HEATR5B: variants seen among roughly 807,000 people sequenced by gnomAD.
HEATR5B encodes the protein HEAT repeat containing 5B, also known as HEAT repeat-containing protein 5B.
HEATR5B carries 156 observed loss-of-function variants against 224.1 expected under a neutral mutation model. That is an observed-to-expected ratio of 0.70 (90% confidence interval 0.61 to 0.80). The LOEUF (loss-of-function observed/expected upper bound fraction) is 0.80, where lower values mean the gene tolerates loss of function less well. Ranked by LOEUF, HEATR5B falls within the 30% of genes least tolerant of loss-of-function variation. HEATR5B has a pLI of 0.00. For missense variants in HEATR5B, 2,323 were observed against 2,535.5 expected (o/e 0.92, Z 1.80); for synonymous variants, 1,027 against 893.0 (o/e 1.15, Z -2.68).
At chr2:36,992,827 C>T (rs1666424280) in intron 33 of HEATR5B, among the ~76,000 whole-genome samples, 1 of 151,956 alleles carries the variant, frequency 6.6e-6, no homozygotes, top group Non-Finnish European at 1.5e-5. Context: ...TGGGCTCAAG[C>T]AACCCTCCCA....
At chr2:37,021,968 C>T (rs1361753792) in intron 24 of HEATR5B, among the ~76,000 whole-genome samples, 2 of 151,638 alleles carry the variant, frequency 1.3e-5, no homozygotes, top group African/African-American at 2.4e-5. Flanking sequence ...GCTTACCCTT[C>T]GTTCCCTTTT....
chr2:37,016,213 T>C (rs1668108528), intron 26 of HEATR5B, among the ~76,000 whole-genome samples: 1 of 150,992 alleles, frequency 6.6e-6, no homozygotes, highest in South Asian at 2.1e-4. Flanking sequence ...CCCAGGTTCA[T>C]GCCATTCTCT....
chr2:36,983,865 A>G lies in HEATR5B; in HGVS notation c.5912-2071T>C, dbSNP rs569231771. ...GAGGTTTCAATAGTAGGTTTTCAAC[A>G]GTAGGTTGAAAATTAAGGTTTTGGT... On this transcript the variant is annotated intron_variant, in intron 35 of 35. Coordinates refer to ENST00000233099, the MANE Select transcript of HEATR5B (RefSeq NM_019024.3). Among the ~76,000 whole-genome samples, 15 of 152,158 alleles carry G rather than the reference A, an allele frequency of 9.9e-5. No individual in the cohort carries two copies. In the South Asian group the frequency reaches 2.7e-3, roughly 27 times the overall value.
intron 27 of HEATR5B, among the ~76,000 whole-genome samples, chr2:37,012,503 G>A (rs964587790): frequency 3.3e-5 from 5 of 151,964 alleles, no homozygotes; most frequent in Non-Finnish European, 7.4e-5. Flanking sequence ...TGATTCTCCT[G>A]CCTCAGCCTC....
At chr2:37,016,274 G>A (rs1668113349) in intron 26 of HEATR5B, among the ~76,000 whole-genome samples, 1 of 151,944 alleles carries the variant, frequency 6.6e-6, no homozygotes, top group Admixed American at 6.6e-5. Context: ...CACCAGGCCC[G>A]GCTAATTTTT....
In HEATR5B at chr2:37,020,675, G is replaced by A. The variant is rs1166288471; in HGVS notation, c.4015C>T (p.Leu1339=). The part of the protein sequence containing the change: ...PEPEFPGHVI[L]EQYQANVGAA... ...CTCACATTAGCCTGATACTGCTCCA[G>A]TATCACATGACCTGGAAATTCTGGC... is the stretch of plus-strand genomic sequence containing the variant. Residue 1339 remains leucine (L), a synonymous_variant, in exon 25 of 36, where the codon CTG becomes TTG. Coordinates refer to ENST00000233099, the MANE Select transcript of HEATR5B (RefSeq NM_019024.3). 4 of 1,582,068 alleles carry A rather than the reference G, an allele frequency of 2.5e-6. No homozygotes were observed. In the African/African-American group the frequency reaches 4.1e-5, roughly 16 times the overall value.
chr2:37,008,764 C>T lies in HEATR5B; in HGVS notation c.4369G>A (p.Asp1457Asn), dbSNP rs980079194. The stretch of plus-strand genomic sequence containing the variant: ...GGCAGTTCATCGATGGTACCACAGT[C>T]GTCATCATCATCGTCAGTATTTTTA... ...AIKNTDDDDD[D>N]CGTIDELPPD... Residue 1457 changes from aspartate to asparagine, a missense_variant, in exon 28 of 36, where the codon GAC (aspartate) becomes AAC (asparagine). By Grantham distance (23) the Asp-to-Asn change is conservative. Coordinates refer to ENST00000233099, the MANE Select transcript of HEATR5B (RefSeq NM_019024.3). 1.5e-5 allele frequency: 24 copies of T among 1,613,850 alleles called. No individual in the cohort carries two copies. Among genetic ancestry groups the T allele is most frequent in the Middle Eastern group, 3.3e-4 (2 of 6,082 alleles).
intron 18 of HEATR5B, among the ~76,000 whole-genome samples, chr2:37,046,693 G>A (rs1475476318): frequency 6.6e-6 from 1 of 150,872 alleles, no homozygotes; most frequent in Non-Finnish European, 1.5e-5. Flanking sequence ...CAAGACTCTA[G>A]TTGGCCAGTT....
chr2:37,068,593 T>G, intron 8 of HEATR5B, 88 bp downstream of exon 8: 1 of 1,342,966 alleles, frequency 7.4e-7, no homozygotes, highest in Non-Finnish European at 1.0e-6. Flanking sequence ...AAAGATAAAC[T>G]AATCAGTCTT....
chr2:37,064,617 T>G, intron 10 of HEATR5B, 123 bp downstream of exon 10: 1 of 896,100 alleles, frequency 1.1e-6, no homozygotes, highest in Non-Finnish European at 1.7e-6. Context: ...AAGAACACTA[T>G]GTTTTATGAT....
chr2:36,989,684 A>G (rs1666189571), intron 34 of HEATR5B, among the ~76,000 whole-genome samples: 1 of 152,160 alleles, frequency 6.6e-6, no homozygotes, highest in Non-Finnish European at 1.5e-5. Flanking sequence ...TTTTAAAAAA[A>G]TGAAGGAAGG....
At chr2:37,009,256 CAAAAAAAAAAAAAAAAA>C (rs57022846) in intron 27 of HEATR5B, among the ~76,000 whole-genome samples, 3 of 65,680 alleles carry the variant, frequency 4.6e-5, no homozygotes, top group Non-Finnish European at 9.2e-5. Context: ...GACTCTGTCT[CAAAAAAAAAAAAAAAAA>C]AAAAAAAGAA....
chr2:37,052,835 G>C (rs2148532864), intron 17 of HEATR5B, among the ~76,000 whole-genome samples: 1 of 152,268 alleles, frequency 6.6e-6, no homozygotes, highest in South Asian at 2.1e-4. Context: ...GGCAGGACAG[G>C]GCAAGATGGA....
At chr2:37,077,348 A>G (rs4670182) in intron 3 of HEATR5B, among the ~76,000 whole-genome samples, 144,710 of 152,096 alleles carry the variant, frequency 0.95, 69,258 homozygotes, top group East Asian at 1. Context: ...TCACTCTGTC[A>G]CCCACGCTGG....
intron 24 of HEATR5B, among the ~76,000 whole-genome samples, chr2:37,023,840 A>T (rs983394111): frequency 3.3e-5 from 5 of 152,100 alleles, no homozygotes; most frequent in Non-Finnish European, 7.4e-5. Flanking sequence ...GGTGGGAGGC[A>T]AGCAGAGAAG....
chr2:37,068,941 A>C lies in HEATR5B; in HGVS notation c.928-11T>G. 1 of 1,607,036 alleles carries C rather than the reference A, an allele frequency of 6.2e-7. No homozygotes were observed. The highest frequency in any genetic ancestry group is 1.7e-5 in the Admixed American group (1 of 59,644). On this transcript the variant is annotated splice_polypyrimidine_tract_variant and intron_variant, in intron 7 of 35. Transcript: ENST00000233099. ...AAAAACAACATACGCCTGTAAAAAGAGGAAGGTACGACTTCAGATACACTT... is the reference window on the plus strand; with the variant it reads ...AAAAACAACATACGCCTGTAAAAAGCGGAAGGTACGACTTCAGATACACTT...
chr2:37,033,080 C>T (rs1277015568), intron 21 of HEATR5B, among the ~76,000 whole-genome samples: 1 of 151,934 alleles, frequency 6.6e-6, no homozygotes, highest in Non-Finnish European at 1.5e-5. Flanking sequence ...GGGTTTTCAC[C>T]ACGTTGGCCA....
chr2:37,072,363 C>T (rs1671957592), intron 5 of HEATR5B, 82 bp from the exon 6 acceptor site: 7 of 953,242 alleles, frequency 7.3e-6, no homozygotes, highest in Non-Finnish European at 1.6e-6. Context: ...GACTTACCAC[C>T]TCTCCTGAGA....
At chr2:37,083,223 C>G in intron 2 of HEATR5B, 66 bp downstream of exon 2, 1 of 1,575,640 alleles carries the variant, frequency 6.3e-7, no homozygotes, top group South Asian at 1.1e-5. Flanking sequence ...CATGTGTTTT[C>G]TTAAGAATCA....
Sources: gnomAD v4.1 joint callset for allele counts (sites outside exome capture counted in the v4.1 genomes callset) on GRCh38, gnomAD v4.1.1 for gene constraint, MANE v1.5 for transcripts, NCBI Gene and HGNC (gene_info 2026-07-23, HGNC 2026-07-21) for gene names.